TDRD7: variants seen among roughly 807,000 people sequenced by gnomAD.
The protein encoded by TDRD7 is tudor domain containing 7, also known as tudor domain-containing protein 7.
Under a neutral mutation model 109.8 loss-of-function variants are expected in TDRD7, and 47 were observed. The observed-to-expected ratio is 0.43, with a 90% CI of 0.34 to 0.55. TDRD7 has a LOEUF of 0.55. TDRD7 is among the 20% of genes least tolerant of loss of function. The pLI, the probability that TDRD7 is intolerant of heterozygous loss-of-function variation, is 0.03. For synonymous variants in TDRD7, 424 were observed against 457.3 expected (o/e 0.93, Z 0.93); for missense variants, 1,164 against 1,319.2 (o/e 0.88, Z 1.82).
intron 11 of TDRD7, among the ~76,000 whole-genome samples, 178 bp downstream of exon 11, chr9:97,473,804 C>T (rs1828963452): frequency 6.6e-6 from 1 of 152,156 alleles, no homozygotes; most frequent in Non-Finnish European, 1.5e-5. Context: ...AAAAGAAAAA[C>T]ACAACACTAG....
Position 97,432,247 on chromosome 9 carries a change from C to T in TDRD7, c.563+9C>T. 6.2e-7 allele frequency: 1 copy of T among 1,612,522 alleles called. No individual in the cohort carries two copies. The highest frequency in any genetic ancestry group is 8.5e-7 in the Non-Finnish European group (1 of 1,178,712). ...ATGTCCACCAACAACAGGTATTTGG[C>T]CTCTGACTCACAGAAGTTTGGTGAA... On this transcript the variant is annotated intron_variant, in intron 4 of 16. Transcript: ENST00000355295.
At chr9:97,466,797 G>C (rs906762361) in intron 8 of TDRD7, among the ~76,000 whole-genome samples, 3 of 152,156 alleles carry the variant, frequency 2.0e-5, no homozygotes, top group Non-Finnish European at 2.9e-5. Flanking sequence ...GGAGGTGGAG[G>C]GGGGCTAATT....
At chr9:97,478,797 G>A (rs1829067095) in intron 13 of TDRD7, among the ~76,000 whole-genome samples, 1 of 152,282 alleles carries the variant, frequency 6.6e-6, no homozygotes, top group African/African-American at 2.4e-5. Context: ...GTTTTCAAGA[G>A]CATCCAGTCA....
At chr9:97,424,307 C>T (rs758009234) in intron 1 of TDRD7, among the ~76,000 whole-genome samples, 2 of 152,032 alleles carry the variant, frequency 1.3e-5, no homozygotes, top group Non-Finnish European at 2.9e-5. Context: ...CCGCCCACCT[C>T]GGCCTCCCAA....
chr9:97,486,664 G>A (rs1829216887), intron 15 of TDRD7, among the ~76,000 whole-genome samples: 1 of 152,120 alleles, frequency 6.6e-6, no homozygotes, highest in African/African-American at 2.4e-5. Context: ...TATACTGGAA[G>A]GTTTGCTCTG....
rs543074448 is a variant in TDRD7 at position 97,420,346 on chromosome 9, C to T, written c.-7+8108C>T. Among the ~76,000 whole-genome samples, 269 of 94,100 alleles carry T rather than the reference C, an allele frequency of 2.9e-3. 3 individuals are homozygous for T. Among genetic ancestry groups the T allele is most frequent in the African/African-American group, 0.011 (258 of 23,008 alleles). The allele number at this position is 94,100 out of a possible 152,430, so 61.7% of individuals were successfully genotyped here. A position where few individuals can be genotyped will look rare whatever the true frequency, so the allele number is the denominator to read the frequency against. On this transcript the variant is annotated intron_variant, in intron 1 of 16. Transcript: ENST00000355295. ...GAGGGCTGACCACAGAGAAGCATAG[C>T]TTAAAAGAACTTTTTTTTGGGGGGG...
chr9:97,465,833 CT>C (rs1487500211), intron 8 of TDRD7, among the ~76,000 whole-genome samples: 1 of 152,042 alleles, frequency 6.6e-6, no homozygotes, highest in East Asian at 1.9e-4. Flanking sequence ...AAAGTCTTTT[CT>C]TTCTCGATTG....
At chr9:97,470,217 G>A (rs1419971875) in intron 8 of TDRD7, among the ~76,000 whole-genome samples, 1 of 152,198 alleles carries the variant, frequency 6.6e-6, no homozygotes, top group African/African-American at 2.4e-5. Context: ...ATTAATGAAA[G>A]CACCAAAGGG....
chr9:97,452,571 T>C (rs1328078254), intron 6 of TDRD7, among the ~76,000 whole-genome samples: 1 of 152,182 alleles, frequency 6.6e-6, no homozygotes, highest in Non-Finnish European at 1.5e-5. Flanking sequence ...ATAAGAATAA[T>C]ATAAAACTGC....
At chr9:97,469,232 T>C (rs1453602936) in intron 8 of TDRD7, among the ~76,000 whole-genome samples, 3 of 152,186 alleles carry the variant, frequency 2.0e-5, no homozygotes, top group Non-Finnish European at 4.4e-5. Flanking sequence ...CTGAGGCCTA[T>C]GAGAAGCAAA....
chr9:97,481,253 G>T (rs566994431), intron 14 of TDRD7, among the ~76,000 whole-genome samples: 1 of 152,098 alleles, frequency 6.6e-6, no homozygotes, highest in East Asian at 1.9e-4. Context: ...CCCAACAGAG[G>T]GACCACAGAT....
In TDRD7 at chr9:97,460,682, G is replaced by T; in HGVS notation, c.1360G>T (p.Val454Phe). The T allele has an allele frequency of 3.1e-6, 5 of 1,614,060 alleles. No homozygotes were observed. Among genetic ancestry groups the T allele is most frequent in the Non-Finnish European group, 2.5e-6 (3 of 1,179,932 alleles). ...TAATACCTTTATGGAGGACATAACAGTTCCTCCTTTAATGATTCCAACTGA... is the reference window on the plus strand; with the variant it reads ...TAATACCTTTATGGAGGACATAACATTTCCTCCTTTAATGATTCCAACTGA... ...SANTFMEDIT[V>F]PPLMIPTEAS... Residue 454 changes from valine to phenylalanine, a missense_variant, in exon 7 of 17, where the codon GTT (valine) becomes TTT (phenylalanine). Physicochemically the swap from Val to Phe is conservative, Grantham distance 50. Transcript: ENST00000355295.
chr9:97,480,763 A>G (rs1303133657), intron 13 of TDRD7, 65 bp from the exon 14 acceptor site: 6 of 1,270,514 alleles, frequency 4.7e-6, no homozygotes, highest in Admixed American at 1.7e-5. Context: ...AAATAATATT[A>G]ACATTACTCA....
At chr9:97,490,651 C>T (rs1459633954) in intron 16 of TDRD7, among the ~76,000 whole-genome samples, 1 of 148,842 alleles carries the variant, frequency 6.7e-6, no homozygotes, top group Non-Finnish European at 1.5e-5. Context: ...ATTATTGTTT[C>T]AAATGTTTCT....
chr9:97,480,573 A>C, intron 13 of TDRD7: 1 of 461,222 alleles, frequency 2.2e-6, no homozygotes, highest in Admixed American at 3.1e-5. Context: ...ATGCAGAAGT[A>C]TTGTACGGTG....
intron 16 of TDRD7, among the ~76,000 whole-genome samples, chr9:97,489,497 A>T (rs752898539): frequency 6.6e-6 from 1 of 152,196 alleles, no homozygotes; most frequent in African/African-American, 2.4e-5. Flanking sequence ...AACGTGGTAT[A>T]TCTTTCTCCA....
At chr9:97,414,224 G>T (rs1430154345) in intron 1 of TDRD7, among the ~76,000 whole-genome samples, 1 of 152,162 alleles carries the variant, frequency 6.6e-6, no homozygotes, top group African/African-American at 2.4e-5. Flanking sequence ...TTCCCTGTAA[G>T]CCAAATATGT....
rs1289891321 is a variant in TDRD7 at position 97,476,616 on chromosome 9, AT to A, written c.2166+1157del. On this transcript the variant is annotated intron_variant, in intron 12 of 16. Coordinates refer to ENST00000355295, the MANE Select transcript of TDRD7 (RefSeq NM_014290.3). ...AAATTAAGAAAAAAACATTGGCTTG[AT>A]TTTTTTTTTCTTTTTTTTCTTTGAT... is the stretch of plus-strand genomic sequence containing the variant. Among the ~76,000 whole-genome samples, 418 of 147,904 alleles carry A rather than the reference AT, an allele frequency of 2.8e-3. 2 individuals carry two copies. Among genetic ancestry groups the A allele is most frequent in the Non-Finnish European group, 3.3e-3 (217 of 66,586 alleles).
At chr9:97,477,881 ATTAC>A (rs1391175652) in intron 12 of TDRD7, among the ~76,000 whole-genome samples, 1 of 152,170 alleles carries the variant, frequency 6.6e-6, no homozygotes, top group African/African-American at 2.4e-5. Context: ...AATAATAAAT[ATTAC>A]TATACTTATT....
Sources: gnomAD v4.1 joint callset for allele counts (sites outside exome capture counted in the v4.1 genomes callset) on GRCh38, gnomAD v4.1.1 for gene constraint, MANE v1.5 for transcripts, NCBI Gene and HGNC (gene_info 2026-07-23, HGNC 2026-07-21) for gene names.